IKZF1: variants seen among roughly 807,000 people sequenced by gnomAD.
The protein encoded by IKZF1 is DNA-binding protein Ikaros.
In IKZF1, 10 loss-of-function variants were observed where a neutral mutation model predicts 51.7. That is an observed-to-expected ratio of 0.19 (90% CI 0.12 to 0.33). The LOEUF (loss-of-function observed/expected upper bound fraction) is 0.33. IKZF1 is among the 10% of genes least tolerant of loss of function. The pLI is 1.00. For synonymous variants in IKZF1, 280 were observed against 282.3 expected, an observed-to-expected ratio of 0.99 and a Z score of 0.08; for missense variants, 484 against 707.5, an observed-to-expected ratio of 0.68 and a Z score of 3.58.
intron 2 of IKZF1, among the ~76,000 whole-genome samples, chr7:50,321,498 T>G (rs981370723): frequency 3.3e-5 from 5 of 152,202 alleles, no homozygotes; most frequent in African/African-American, 1.2e-4. Context: ...AACCCAAGCA[T>G]GTTAAAAATT....
At chr7:50,368,286 A>C (rs576119850) in intron 3 of IKZF1, 24 of 703,342 alleles carry the variant, frequency 3.4e-5, no homozygotes, top group South Asian at 3.1e-4. Flanking sequence ...GCAGTGGAGT[A>C]ACAGTAAGGG....
rs563508099 is a variant in IKZF1 at position 50,377,481 on chromosome 7, C to T, written c.421+688C>T. Among the ~76,000 whole-genome samples the T allele has an allele frequency of 4.6e-5, 7 of 152,330 alleles. No homozygotes were observed. The South Asian group carries it at 8.3e-4, about 18-fold the overall frequency. On this transcript the variant is annotated intron_variant, in intron 4 of 7. Coordinates refer to ENST00000331340, the MANE Select transcript of IKZF1 (RefSeq NM_006060.6). ...TTCTGTGTCCAGAAAGGAAGGAACA[C>T]GGGCACCCTAGTGTCAGCGAGTTGT...
intron 1 of IKZF1, among the ~76,000 whole-genome samples, chr7:50,307,465 A>G (rs1047852841): frequency 4.6e-5 from 7 of 152,186 alleles, no homozygotes; most frequent in Admixed American, 3.9e-4. Context: ...CTCTGGGGGC[A>G]CTGTGACGCC....
chr7:50,397,405 A>G (rs1417394952), intron 7 of IKZF1, among the ~76,000 whole-genome samples: 2 of 152,202 alleles, frequency 1.3e-5, no homozygotes, highest in East Asian at 1.9e-4. Context: ...AATCTGGCAT[A>G]TATGTTGATT....
In IKZF1 at chr7:50,403,000, CAGTT is replaced by C. The variant is rs1263375525; in HGVS notation, c.*2374_*2377del. ...TTCTTTTCCATCCATCCCCCTGAGTCAGTTGGTTGAAGGGAGTTATTTTTTCAAG... is the reference window on the plus strand; with the variant it reads ...TTCTTTTCCATCCATCCCCCTGAGTCGGTTGAAGGGAGTTATTTTTTCAAG... On this transcript the variant is annotated 3_prime_UTR_variant, in exon 8 of 8. Coordinates refer to ENST00000331340, the MANE Select transcript of IKZF1 (RefSeq NM_006060.6). The C allele has an allele frequency of 1.3e-5, 3 of 226,408 alleles. No homozygotes were observed. Among genetic ancestry groups the C allele is most frequent in the East Asian group, 6.3e-5 (1 of 15,834 alleles). 14.0% of individuals were successfully genotyped at this position (226,408 alleles called of 1,614,324 possible).
At chr7:50,399,668 T>A (rs1382673999) in intron 7 of IKZF1, among the ~76,000 whole-genome samples, 1 of 152,234 alleles carries the variant, frequency 6.6e-6, no homozygotes, top group Non-Finnish European at 1.5e-5. Context: ...TAAGTGCTTA[T>A]AATGGGTAGG....
chr7:50,320,889 C>A (rs1197088733), intron 2 of IKZF1, among the ~76,000 whole-genome samples: 1 of 152,190 alleles, frequency 6.6e-6, no homozygotes, highest in African/African-American at 2.4e-5. Context: ...GCATTGTTAT[C>A]AGTATTTTAA....
At chr7:50,335,982 A>T (rs1396889094) in intron 3 of IKZF1, among the ~76,000 whole-genome samples, 1 of 152,138 alleles carries the variant, frequency 6.6e-6, no homozygotes, top group East Asian at 1.9e-4. Flanking sequence ...CCAGCAGGGC[A>T]CAGCATAGAG....
Position 50,403,313 on chromosome 7 carries a change from GT to G in IKZF1, c.*2689del, listed in dbSNP as rs1373481234. On this transcript the variant is annotated 3_prime_UTR_variant, in exon 8 of 8. Transcript: ENST00000331340. ...TTCTCTTCTAGCTGGTAAAGTAGGA[GT>G]TTGCATGACTTCACACTTTTTTTGC... The G allele has an allele frequency of 1.8e-5, 4 of 223,242 alleles. No homozygotes were observed. Among genetic ancestry groups the G allele is most frequent in the Non-Finnish European group, 3.6e-5 (4 of 111,774 alleles). 13.8% of individuals were successfully genotyped at this position (223,242 alleles called of 1,614,324 possible). A position where few individuals can be genotyped will look rare whatever the true frequency, so the allele number is the denominator to read the frequency against.
intron 3 of IKZF1, among the ~76,000 whole-genome samples, chr7:50,363,247 C>T (rs1805794243): frequency 6.6e-6 from 1 of 152,106 alleles, no homozygotes; most frequent in Admixed American, 6.5e-5. Context: ...CAGACCAGGG[C>T]CCTGGGCATA....
chr7:50,332,568 C>A (rs1367245002), intron 3 of IKZF1, among the ~76,000 whole-genome samples: 2 of 152,058 alleles, frequency 1.3e-5, no homozygotes, highest in African/African-American at 4.8e-5. Flanking sequence ...AGAGGACAAG[C>A]AAATTTAGGG....
chr7:50,382,399 T>A, intron 4 of IKZF1, 141 bp from the exon 5 acceptor site: 1 of 1,233,730 alleles, frequency 8.1e-7, no homozygotes. Context: ...CTGGCAGGTT[T>A]AGTCTGAAAG....
At chr7:50,349,133 A>G (rs1164578124) in intron 3 of IKZF1, among the ~76,000 whole-genome samples, 1 of 152,186 alleles carries the variant, frequency 6.6e-6, no homozygotes, top group Non-Finnish European at 1.5e-5. Context: ...ACTCTTAGTC[A>G]TTACCACTGT....
At chr7:50,310,432 A>G (rs1468043224) in intron 1 of IKZF1, among the ~76,000 whole-genome samples, 1 of 152,220 alleles carries the variant, frequency 6.6e-6, no homozygotes, top group African/African-American at 2.4e-5. Context: ...CTGTCAGGTT[A>G]TAAATAAAGA....
Position 50,350,098 on chromosome 7 carries a change from TG to T in IKZF1, c.160+22344del, listed in dbSNP as rs199660228. 7.5e-3 allele frequency among the ~76,000 whole-genome samples: 1,146 copies of T among 152,102 alleles called. 17 individuals are homozygous for T. Among genetic ancestry groups the T allele is most frequent in the African/African-American group, 0.026 (1,086 of 41,518 alleles). ...GTAGGGAGGTGGGGCAGCCCCGGGG[TG>T]GGCCTTGCAGGCTGGGCTTGAATCC... On this transcript the variant is annotated intron_variant, in intron 3 of 7. Coordinates refer to ENST00000331340, the MANE Select transcript of IKZF1 (RefSeq NM_006060.6).
chr7:50,394,866 G>T (rs1484234505), intron 7 of IKZF1, among the ~76,000 whole-genome samples: 1 of 152,144 alleles, frequency 6.6e-6, no homozygotes, highest in Non-Finnish European at 1.5e-5. Context: ...AGGTCAACAG[G>T]ACTGATTAAT....
intron 3 of IKZF1, among the ~76,000 whole-genome samples, chr7:50,334,601 A>C (rs1002354052): frequency 2.7e-5 from 4 of 147,632 alleles, no homozygotes; most frequent in South Asian, 4.4e-4. Context: ...TATGAATGGG[A>C]TGTGTAGTGT....
intron 3 of IKZF1, among the ~76,000 whole-genome samples, chr7:50,342,555 C>T (rs1799297211): frequency 6.6e-6 from 1 of 151,506 alleles, no homozygotes; most frequent in South Asian, 2.1e-4. Context: ...AATTGTTTTG[C>T]AAAAATTGTG....
intron 7 of IKZF1, among the ~76,000 whole-genome samples, chr7:50,394,798 GCAACA>G (rs1816227380): frequency 6.6e-6 from 1 of 152,166 alleles, no homozygotes; most frequent in Non-Finnish European, 1.5e-5. Context: ...TGTTTTGCCA[GCAACA>G]TTCCTCACCA....
Sources: allele counts gnomAD v4.1 joint callset (sites outside exome capture counted in the v4.1 genomes callset), GRCh38; gene constraint gnomAD v4.1.1; transcripts MANE v1.5; gene names NCBI Gene and HGNC (gene_info 2026-07-23, HGNC 2026-07-21).